The following PRDM11 variants were observed in gnomAD, a reference collection of about 807,000 sequenced individuals.
The protein encoded by PRDM11 is PR/SET domain 11.
PRDM11 carries 20 observed loss-of-function variants against 97.8 expected under a neutral mutation model. The ratio of observed to expected loss-of-function variants is 0.20; its 90% CI spans 0.14 to 0.30. PRDM11 has a LOEUF of 0.30. PRDM11 is among the 10% of genes least tolerant of loss of function. PRDM11 has a pLI of 1.00. For synonymous variants in PRDM11, 599 were observed against 637.7 expected, an observed-to-expected ratio of 0.94 and a Z score of 0.91; for missense variants, 1,139 against 1,555.2, an observed-to-expected ratio of 0.73 and a Z score of 4.50.
At position 45,226,977 on chromosome 11, in the gene PRDM11, G is replaced by A. The variant is rs1444932594; in HGVS notation, c.2352G>A (p.Leu784=). ...AGGAGCTCCCATGCCTGGAGGAGCTGGAGAACAACCTGAAGCAGCTGCTGA... is the reference window on the plus strand; with the variant it reads ...AGGAGCTCCCATGCCTGGAGGAGCTAGAGAACAACCTGAAGCAGCTGCTGA... ...SGKELPCLEE[L]ENNLKQLLSF... The change falls in exon 8 of 8, where the codon CTG becomes CTA. Residue 784 remains leucine, a synonymous_variant. Coordinates refer to ENST00000683152, the MANE Select transcript of PRDM11 (RefSeq NM_001384648.1). The A allele has an allele frequency of 1.6e-5, 25 of 1,533,828 alleles. No individual in the cohort carries two copies. Among genetic ancestry groups the A allele is most frequent in the Non-Finnish European group, 1.9e-5 (22 of 1,146,724 alleles).
chr11:45,216,669 G>A (rs1853965362), intron 5 of PRDM11, among the ~76,000 whole-genome samples: 2 of 152,164 alleles, frequency 1.3e-5, no homozygotes, highest in South Asian at 4.1e-4. Context: ...CAAATGCTAA[G>A]TTTCAGAACA....
intron 1 of PRDM11, among the ~76,000 whole-genome samples, chr11:45,155,193 C>G (rs1220135076): frequency 6.6e-6 from 1 of 152,232 alleles, no homozygotes; most frequent in African/African-American, 2.4e-5. Context: ...TGTCAGCTTT[C>G]CCGGAGTGGC....
upstream of PRDM11, among the ~76,000 whole-genome samples, chr11:45,095,587 G>T (rs1464250587): frequency 6.6e-6 from 1 of 152,226 alleles, no homozygotes; most frequent in East Asian, 1.9e-4. Context: ...GCAGCTGAGA[G>T]TAGAGGCCAC....
In PRDM11 at chr11:45,167,759, CCACACACACACACACACA is replaced by C. The variant is rs34333065; in HGVS notation, c.-6-13976_-6-13959del. On this transcript the variant is annotated intron_variant, in intron 1 of 7. Transcript: ENST00000683152. ...GGAGGACTGCCTCTCTCATTTCACACCACACACACACACACACACACACACACACACACACACACACAC... is the reference window on the plus strand; with the variant it reads ...GGAGGACTGCCTCTCTCATTTCACACCACACACACACACACACACACACAC... Among the ~76,000 whole-genome samples the C allele has an allele frequency of 2.7e-4, 39 of 143,324 alleles. 1 individual carries two copies. Among genetic ancestry groups the C allele is most frequent in the Admixed American group, 2.1e-4 (3 of 14,358 alleles). The allele number at this position is 143,324 out of a possible 152,430, so 94.0% of individuals were successfully genotyped here.
chr11:45,217,003 T>G (rs925239643), intron 5 of PRDM11, among the ~76,000 whole-genome samples: 1 of 152,222 alleles, frequency 6.6e-6, no homozygotes, highest in Non-Finnish European at 1.5e-5. Context: ...GACAGTATTC[T>G]CCAATCATAG....
chr11:45,111,463 C>T lies in PRDM11; in HGVS notation c.96+15562C>T, dbSNP rs549406995. ...TGGACTCTCTCTCATCTGGAAGCAG[C>T]TGGCCCAACTGAAGGGTGGAATGGC... On this transcript the variant is annotated intron_variant, in intron 1 of 6. Transcript: ENST00000530656. Among the ~76,000 whole-genome samples the T allele has an allele frequency of 1.2e-4, 18 of 152,294 alleles. No homozygotes were observed. The South Asian group carries it at 2.9e-3, about 25-fold the overall frequency.
At chr11:45,102,641 C>G (rs777720536) in intron 1 of PRDM11, among the ~76,000 whole-genome samples, 28 of 152,164 alleles carry the variant, frequency 1.8e-4, no homozygotes, top group Non-Finnish European at 3.7e-4. Context: ...TGCACCGTGC[C>G]ACAGCCTCCT....
chr11:45,162,994 T>C (rs1375330378), intron 1 of PRDM11, among the ~76,000 whole-genome samples: 3 of 152,212 alleles, frequency 2.0e-5, no homozygotes, highest in Non-Finnish European at 2.9e-5. Flanking sequence ...AGCTCAGGGC[T>C]TGGGCCCTGG....
chr11:45,208,959 C>T (rs772269013), intron 5 of PRDM11: 31 of 456,622 alleles, frequency 6.8e-5, no homozygotes, highest in South Asian at 4.6e-4. Flanking sequence ...GGTGACCCAC[C>T]ATGAAGCAGT....
At chr11:45,137,075 AT>A (rs1206013411) in intron 1 of PRDM11, among the ~76,000 whole-genome samples, 1 of 151,918 alleles carries the variant, frequency 6.6e-6, no homozygotes, top group African/African-American at 2.4e-5. Context: ...AGGCAGGAGA[AT>A]TTCTTGAACC....
intron 1 of PRDM11, among the ~76,000 whole-genome samples, chr11:45,118,556 T>C (rs61484985): frequency 0.021 from 3,133 of 152,282 alleles, 101 homozygotes; most frequent in African/African-American, 0.071. Context: ...CAAAACCAAT[T>C]CACCTGTTAA....
chr11:45,213,559 C>T (rs544268042), intron 5 of PRDM11: 67 of 456,468 alleles, frequency 1.5e-4, no homozygotes, highest in Non-Finnish European at 2.4e-4. Context: ...TGCCCTTGTG[C>T]GCGTGCTCAG....
chr11:45,147,329 G>T (rs1851542875), intron 1 of PRDM11: 1 of 151,366 alleles, frequency 6.6e-6, no homozygotes, highest in African/African-American at 2.4e-5. Context: ...AGGGCTCGCC[G>T]CGGCCGCCGG....
At chr11:45,211,371 G>A (rs1350256348) in intron 5 of PRDM11, among the ~76,000 whole-genome samples, 1 of 152,182 alleles carries the variant, frequency 6.6e-6, no homozygotes, top group African/African-American at 2.4e-5. Flanking sequence ...GCAGATCCAG[G>A]CAGGGAGGGC....
At position 45,095,903 on chromosome 11, in the gene PRDM11, T is replaced by G. The variant is rs1851882315; in HGVS notation, c.96+2T>G. ...CTCTTCCTTTACCAGAGAGAGAAAG[T>G]AAGTTGTTTAAGCTGCTAATGTGGG... On this transcript the variant is annotated splice_donor_variant, in intron 1 of 6. Coordinates refer to the PRDM11 transcript ENST00000530656. LOFTEE classifies it high-confidence loss of function. 1 of 780,812 alleles carries G rather than the reference T, an allele frequency of 1.3e-6. No individual in the cohort carries two copies. The highest frequency in any genetic ancestry group is 1.7e-5 in the African/African-American group (1 of 59,136). The allele number at this position is 780,812 out of a possible 1,614,324, so 48.4% of individuals were successfully genotyped here.
intron 1 of PRDM11, among the ~76,000 whole-genome samples, chr11:45,123,281 C>A (rs979655903): frequency 6.6e-6 from 1 of 152,168 alleles, no homozygotes; most frequent in Non-Finnish European, 1.5e-5. Flanking sequence ...AATTTTCTCC[C>A]ATTTTGTAGG....
At chr11:45,140,229 G>A (rs1303986597) in intron 1 of PRDM11, among the ~76,000 whole-genome samples, 1 of 152,210 alleles carries the variant, frequency 6.6e-6, no homozygotes, top group Non-Finnish European at 1.5e-5. Context: ...CAAGGGAAAT[G>A]TTCTCTGACA....
intron 4 of PRDM11, among the ~76,000 whole-genome samples, chr11:45,196,195 T>C (rs1005582140): frequency 1.3e-5 from 2 of 152,190 alleles, no homozygotes; most frequent in Admixed American, 1.3e-4. Flanking sequence ...GACTTTTTTA[T>C]TCTAGCCATC....
intron 5 of PRDM11, among the ~76,000 whole-genome samples, chr11:45,205,563 C>T (rs969036716): frequency 3.3e-5 from 5 of 152,114 alleles, no homozygotes; most frequent in African/African-American, 7.2e-5. Context: ...GGAAGGAAGC[C>T]TCAGATGTCT....
Sources: allele counts gnomAD v4.1 joint callset (sites outside exome capture counted in the v4.1 genomes callset), GRCh38; gene constraint gnomAD v4.1.1; transcripts MANE v1.5; gene names NCBI Gene and HGNC (gene_info 2026-07-23, HGNC 2026-07-21).